Variants in SPOCK1 observed in about 807,000 individuals in gnomAD.
SPOCK1 encodes testican-1.
SPOCK1 carries 23 observed loss-of-function variants against 55.3 expected under a neutral mutation model. The ratio of observed to expected loss-of-function variants is 0.42; its 90% CI spans 0.30 to 0.59. SPOCK1 has a LOEUF of 0.59. Among genes scored for constraint, SPOCK1 ranks in the 20% least tolerant of loss-of-function variants. The pLI, the probability that SPOCK1 is intolerant of heterozygous loss-of-function variation, is 0.22. For missense variants in SPOCK1, 499 were observed against 552.5 expected, an observed-to-expected ratio of 0.90 and a Z score of 0.97; for synonymous variants, 226 against 221.0, an observed-to-expected ratio of 1.02 and a Z score of -0.20.
At chr5:136,986,934 G>GAAAC (rs1247230088) in intron 8 of SPOCK1, among the ~76,000 whole-genome samples, 1 of 152,074 alleles carries the variant, frequency 6.6e-6, no homozygotes, top group Non-Finnish European at 1.5e-5. Flanking sequence ...CACAGGGAAA[G>GAAAC]AAACATACTA....
intron 3 of SPOCK1, among the ~76,000 whole-genome samples, chr5:137,263,889 G>A: frequency 6.6e-6 from 1 of 152,292 alleles, no homozygotes; most frequent in East Asian, 1.9e-4. Context: ...TCATTGGAGA[G>A]CACCAGGTGA....
intron 2 of SPOCK1, among the ~76,000 whole-genome samples, chr5:137,381,638 T>C (rs1751470161): frequency 6.6e-6 from 1 of 152,214 alleles, no homozygotes; most frequent in Non-Finnish European, 1.5e-5. Flanking sequence ...AGCTGTACCT[T>C]GGTCCCTTTT....
At chr5:137,096,948 G>A (rs1753159657) in intron 5 of SPOCK1, among the ~76,000 whole-genome samples, 1 of 152,172 alleles carries the variant, frequency 6.6e-6, no homozygotes, top group Non-Finnish European at 1.5e-5. Flanking sequence ...GGGAGCACAG[G>A]AGCATTAATA....
At chr5:137,116,696 C>T (rs755711888) in intron 4 of SPOCK1, among the ~76,000 whole-genome samples, 40 of 152,038 alleles carry the variant, frequency 2.6e-4, no homozygotes, top group Non-Finnish European at 5.1e-4. Context: ...ATAGTCTATA[C>T]TCCAAGCTTG....
chr5:137,216,415 G>C (rs965865050), intron 3 of SPOCK1, among the ~76,000 whole-genome samples: 2 of 152,200 alleles, frequency 1.3e-5, no homozygotes, highest in Non-Finnish European at 2.9e-5. Context: ...TTCTTTCAAG[G>C]ATCATAACAG....
chr5:137,267,292 A>G (rs1186912964), intron 2 of SPOCK1, among the ~76,000 whole-genome samples: 3 of 152,254 alleles, frequency 2.0e-5, no homozygotes, highest in Non-Finnish European at 2.9e-5. Flanking sequence ...ATTTCAGCCC[A>G]GTATAGAAAC....
chr5:137,486,247 C>T (rs1388470227), intron 2 of SPOCK1, among the ~76,000 whole-genome samples: 1 of 152,130 alleles, frequency 6.6e-6, no homozygotes, highest in Non-Finnish European at 1.5e-5. Context: ...ACAGAAGTTG[C>T]CCATGTATGC....
Position 137,198,534 on chromosome 5 carries a change from C to T in SPOCK1, c.233-57840G>A, listed in dbSNP as rs1755348246. Among the ~76,000 whole-genome samples, 3 of 152,190 alleles carry T rather than the reference C, an allele frequency of 2.0e-5. No homozygotes were observed. The South Asian group carries it at 6.2e-4, about 31-fold the overall frequency. The stretch of plus-strand genomic sequence containing the variant: ...AAAGATTGTTTCTTGTTGCATTTTT[C>T]ACTTCTTTGAATGCTAATGAAGTTA... On this transcript the variant is annotated intron_variant, in intron 3 of 10. Coordinates refer to ENST00000394945, the MANE Select transcript of SPOCK1 (RefSeq NM_004598.4).
intron 4 of SPOCK1, among the ~76,000 whole-genome samples, chr5:137,133,798 G>T (rs938629490): frequency 2.0e-5 from 3 of 152,142 alleles, no homozygotes. Context: ...CCAAGAAGGG[G>T]AAAAATGAAC....
chr5:137,137,746 G>A (rs1167919452), intron 4 of SPOCK1, among the ~76,000 whole-genome samples: 1 of 152,244 alleles, frequency 6.6e-6, no homozygotes, highest in Non-Finnish European at 1.5e-5. Flanking sequence ...TGCAGAAACT[G>A]CAGACGCAGG....
intron 9 of SPOCK1, among the ~76,000 whole-genome samples, chr5:136,982,949 T>TTGAAGATACTGATTCTCATTG (rs1303635752): frequency 6.6e-6 from 1 of 152,216 alleles, no homozygotes; most frequent in African/African-American, 2.4e-5. Context: ...CCTTGGCACT[T>TTGAAGATACTGATTCTCATTG]TGAAGATACT....
At chr5:137,227,956 C>A (rs1755977160) in intron 3 of SPOCK1, among the ~76,000 whole-genome samples, 1 of 152,224 alleles carries the variant, frequency 6.6e-6, no homozygotes, top group Non-Finnish European at 1.5e-5. Context: ...ATATCCAATG[C>A]AGAAAAAGTA....
intron 2 of SPOCK1, among the ~76,000 whole-genome samples, chr5:137,309,726 G>A (rs1291501801): frequency 5.9e-5 from 9 of 151,848 alleles, no homozygotes; most frequent in Non-Finnish European, 1.3e-4. Flanking sequence ...ACTTATCTTC[G>A]CTGAGCTCTA....
chr5:137,145,161 C>G (rs1174342454), intron 3 of SPOCK1, among the ~76,000 whole-genome samples: 1 of 152,142 alleles, frequency 6.6e-6, no homozygotes, highest in Non-Finnish European at 1.5e-5. Context: ...TTTACAGAAA[C>G]CTTTCTCAAG....
At chr5:136,994,914 A>C (rs547786416) in intron 6 of SPOCK1, among the ~76,000 whole-genome samples, 246 of 152,178 alleles carry the variant, frequency 1.6e-3, no homozygotes, top group African/African-American at 5.8e-3. Flanking sequence ...CTGACACAGG[A>C]GAATCGCTTG....
intron 5 of SPOCK1, among the ~76,000 whole-genome samples, chr5:137,097,806 C>T (rs749284530): frequency 2.8e-4 from 42 of 152,148 alleles, no homozygotes; most frequent in Middle Eastern, 3.2e-3. Flanking sequence ...GGTGCTGCCA[C>T]GGGATTAATA....
chr5:137,073,658 G>A (rs2214567), intron 5 of SPOCK1, among the ~76,000 whole-genome samples: 82,434 of 151,642 alleles, frequency 0.54, 24,392 homozygotes, highest in South Asian at 0.71. Context: ...TGTTAAAAAT[G>A]TAAAAGAGGA....
rs2126955698 is a variant in SPOCK1 at position 136,977,982 on chromosome 5, C to T, written c.*672G>A. ...GGTGTGTGTGCAAGGCACACACATA[C>T]AGTCTTTCTGTACATGCATGCATAT... On this transcript the variant is annotated 3_prime_UTR_variant, in exon 11 of 11. Coordinates refer to ENST00000394945, the MANE Select transcript of SPOCK1 (RefSeq NM_004598.4). 2 of 398,860 alleles carry T rather than the reference C, an allele frequency of 5.0e-6. No homozygotes were observed. The highest frequency in any genetic ancestry group is 2.1e-5 in the African/African-American group (1 of 48,740). 24.7% of individuals were successfully genotyped at this position (398,860 alleles called of 1,614,324 possible).
intron 3 of SPOCK1, among the ~76,000 whole-genome samples, chr5:137,192,587 G>A (rs1398466016): frequency 6.6e-6 from 1 of 152,208 alleles, no homozygotes; most frequent in Non-Finnish European, 1.5e-5. Flanking sequence ...CACACTTCCT[G>A]CACAGCCTCC....
Sources: allele counts gnomAD v4.1 joint callset (sites outside exome capture counted in the v4.1 genomes callset), GRCh38; gene constraint gnomAD v4.1.1; transcripts MANE v1.5; gene names NCBI Gene and HGNC (gene_info 2026-07-23, HGNC 2026-07-21).